CRYBA1: variants seen among roughly 807,000 people sequenced by gnomAD.
The protein encoded by CRYBA1 is crystallin beta A1, also known as beta-crystallin A3.
A neutral mutation model predicts 36.2 loss-of-function variants in CRYBA1; 25 were observed. That is an observed-to-expected ratio of 0.69 (90% CI 0.50 to 0.97). The LOEUF is 0.97. Among genes scored for constraint, CRYBA1 ranks in the 50% least tolerant of loss-of-function variants. The pLI, the probability that CRYBA1 is intolerant of heterozygous loss-of-function variation, is 0.00. For synonymous variants in CRYBA1, 111 were observed against 90.0 expected (o/e 1.23, Z -1.32); for missense variants, 224 against 276.3 (o/e 0.81, Z 1.34).
intron 4 of CRYBA1, among the ~76,000 whole-genome samples, chr17:29,253,284 C>T (rs1028855282): frequency 4.6e-5 from 7 of 152,196 alleles, no homozygotes; most frequent in Non-Finnish European, 7.3e-5. Context: ...CACACGCAAG[C>T]GCACACATAC....
intron 1 of CRYBA1, among the ~76,000 whole-genome samples, chr17:29,248,831 A>G (rs1208711088): frequency 6.6e-6 from 1 of 151,816 alleles, no homozygotes; most frequent in Middle Eastern, 3.2e-3. Context: ...AGCTGGACAT[A>G]GTGGTGCATG....
In CRYBA1 at chr17:29,253,772, C is replaced by A. The variant is rs2068950704; in HGVS notation, c.490C>A (p.Gln164Lys). 6.2e-7 allele frequency: 1 copy of A among 1,614,048 alleles called. No homozygotes were observed. Among genetic ancestry groups the A allele is most frequent in the South Asian group, 1.1e-5 (1 of 91,086 alleles). The change falls in exon 5 of 6, where the codon CAA (glutamine) becomes AAA (lysine). Residue 164 changes from glutamine (Q) to lysine (K), a missense_variant. Transcript: ENST00000225387. ...FNNEVGSMKI[Q>K]SGAWVCYQYP... Reference sequence around the variant, plus strand: ...CAACGAAGTCGGCTCCATGAAGATACAAAGTGGGGCGTAAGTACAAAAACA... The same window carrying A: ...CAACGAAGTCGGCTCCATGAAGATAAAAAGTGGGGCGTAAGTACAAAAACA...
chr17:29,248,631 C>T (rs972151493), intron 1 of CRYBA1, among the ~76,000 whole-genome samples: 1 of 151,448 alleles, frequency 6.6e-6, no homozygotes, highest in Non-Finnish European at 1.5e-5. Context: ...TCCCAAAGTG[C>T]TGGGATTACA....
chr17:29,249,294 GACTGAC>G (rs1378852410), intron 2 of CRYBA1, 88 bp downstream of exon 2: 58 of 922,344 alleles, frequency 6.3e-5, no homozygotes, highest in Non-Finnish European at 2.8e-5. Context: ...ATAAGGCAGT[GACTGAC>G]CAGAAAAACC....
intron 1 of CRYBA1, among the ~76,000 whole-genome samples, chr17:29,247,816 T>C (rs564268986): frequency 2.6e-5 from 4 of 152,126 alleles, no homozygotes; most frequent in African/African-American, 9.6e-5. Context: ...ATCTAGGAGA[T>C]AGAAAAGCAG....
In CRYBA1 at chr17:29,251,724, T is replaced by C. The variant is rs141034740; in HGVS notation, c.216-340T>C. 3.6e-3 allele frequency among the ~76,000 whole-genome samples: 542 copies of C among 152,250 alleles called. 1 individual carries two copies. The highest frequency in any genetic ancestry group is 0.012 in the African/African-American group (517 of 41,544). Reference sequence around the variant, plus strand: ...CAACTCATGGGCTCAAGCGATCTGCTTGCCTTGGCCTCCTGAAGCGTTGGA... The same window carrying C: ...CAACTCATGGGCTCAAGCGATCTGCCTGCCTTGGCCTCCTGAAGCGTTGGA... On this transcript the variant is annotated intron_variant, in intron 3 of 5. Transcript: ENST00000225387.
intron 1 of CRYBA1, among the ~76,000 whole-genome samples, chr17:29,247,856 C>T (rs1330276864): frequency 6.6e-6 from 1 of 152,210 alleles, no homozygotes; most frequent in Non-Finnish European, 1.5e-5. Flanking sequence ...GTGGCTCATG[C>T]CTGTAATCGC....
At chr17:29,249,284 A>G (rs916324345) in intron 2 of CRYBA1, 78 bp downstream of exon 2, 19 of 1,017,466 alleles carry the variant, frequency 1.9e-5, no homozygotes, top group African/African-American at 1.6e-5. Flanking sequence ...GTGCTCGTCC[A>G]TAAGGCAGTG....
chr17:29,250,400 C>G (rs865819666), intron 3 of CRYBA1, 100 bp downstream of exon 3: 4 of 794,986 alleles, frequency 5.0e-6, no homozygotes, highest in Middle Eastern at 3.5e-4. Flanking sequence ...TTCCCCTAGG[C>G]TCTAGTCATT....
At chr17:29,253,608 C>A in intron 4 of CRYBA1, 32 bp from the exon 5 acceptor site, 1 of 1,586,704 alleles carries the variant, frequency 6.3e-7, no homozygotes. Flanking sequence ...AGCACTAGTA[C>A]TAAACATTTT....
At chr17:29,251,797 T>C (rs1044319812) in intron 3 of CRYBA1, among the ~76,000 whole-genome samples, 1 of 152,180 alleles carries the variant, frequency 6.6e-6, no homozygotes, top group African/African-American at 2.4e-5. Flanking sequence ...TAATTTTAGA[T>C]TGGCTTTGCT....
chr17:29,250,428 G>A (rs573878665), intron 3 of CRYBA1, 128 bp downstream of exon 3: 87 of 748,872 alleles, frequency 1.2e-4, no homozygotes, highest in African/African-American at 2.6e-4. Flanking sequence ...GACAGGCCTC[G>A]AAAGAAATCA....
rs747911163 is a variant in CRYBA1 at position 29,252,069 on chromosome 17, T to A, written c.221T>A (p.Ile74Asn). ...ACACTACATGTCTTTGGCAGCTGGA[T>A]TGGTTATGAGCATACCAGCTTCTGT... ...RSLKVESGAW[I>N]GYEHTSFCGQ... Residue 74 changes from isoleucine to asparagine, a missense_variant, in exon 4 of 6, where the codon ATT becomes AAT. By Grantham distance (149) the Ile-to-Asn change is moderately radical. Transcript: ENST00000225387. 49 of 1,614,018 alleles carry A rather than the reference T, an allele frequency of 3.0e-5. No individual in the cohort carries two copies. The highest frequency in any genetic ancestry group is 4.0e-5 in the Non-Finnish European group (47 of 1,180,036).
chr17:29,246,928 C>A, intron 1 of CRYBA1, 34 bp downstream of exon 1: 1 of 1,593,876 alleles, frequency 6.3e-7, no homozygotes, highest in Non-Finnish European at 8.5e-7. Flanking sequence ...CTTGCCCTTC[C>A]TCTCCTTGCC....
chr17:29,250,588 GGCT>G (rs2068929978), intron 3 of CRYBA1, among the ~76,000 whole-genome samples: 1 of 152,132 alleles, frequency 6.6e-6, no homozygotes, highest in African/African-American at 2.4e-5. Flanking sequence ...GGAGCTCACA[GGCT>G]GCTACCTAGG....
intron 4 of CRYBA1, among the ~76,000 whole-genome samples, chr17:29,253,392 C>A (rs1250882626): frequency 6.6e-6 from 1 of 152,196 alleles, no homozygotes; most frequent in African/African-American, 2.4e-5. Flanking sequence ...TACTTTTTCT[C>A]ACTGTCAAAT....
At chr17:29,250,083 T>C (rs914385050) in intron 2 of CRYBA1, 99 bp from the exon 3 acceptor site, 10 of 793,170 alleles carry the variant, frequency 1.3e-5, no homozygotes, top group Non-Finnish European at 2.3e-5. Context: ...CTACAGCTGG[T>C]AACAGAAAGC....
chr17:29,251,557 A>G (rs1217417294), intron 3 of CRYBA1, among the ~76,000 whole-genome samples: 1 of 152,062 alleles, frequency 6.6e-6, no homozygotes, highest in Non-Finnish European at 1.5e-5. Flanking sequence ...CAGTGGCACA[A>G]TCATGGCTCA....
intron 3 of CRYBA1, among the ~76,000 whole-genome samples, chr17:29,251,714 A>G (rs1403317876): frequency 6.6e-6 from 1 of 152,138 alleles, no homozygotes; most frequent in Non-Finnish European, 1.5e-5. Context: ...CATGGGCTCA[A>G]GCGATCTGCT....
Sources: allele counts gnomAD v4.1 joint callset (sites outside exome capture counted in the v4.1 genomes callset), GRCh38; gene constraint gnomAD v4.1.1; transcripts MANE v1.5; gene names NCBI Gene and HGNC (gene_info 2026-07-23, HGNC 2026-07-21).